ASIC2: variants seen among roughly 807,000 people sequenced by gnomAD.
ASIC2 encodes the protein acid-sensing ion channel 2.
ASIC2 carries 25 observed loss-of-function variants against 57.3 expected under a neutral mutation model. The observed-to-expected ratio is 0.44, with a 90% CI of 0.32 to 0.61. The LOEUF (loss-of-function observed/expected upper bound fraction) is 0.61, where lower values mean the gene tolerates loss of function less well. Ranked by LOEUF, ASIC2 falls within the 20% of genes least tolerant of loss-of-function variation. The pLI is 0.06. For synonymous variants in ASIC2, 319 were observed against 307.5 expected, an observed-to-expected ratio of 1.04 and a Z score of -0.39; for missense variants, 641 against 738.1, an observed-to-expected ratio of 0.87 and a Z score of 1.52.
intron 1 of ASIC2, among the ~76,000 whole-genome samples, chr17:33,373,558 G>A (rs1165924154): frequency 1.3e-5 from 2 of 152,206 alleles, no homozygotes; most frequent in South Asian, 2.1e-4. Context: ...TCTGCTAGAC[G>A]TAGATGCAGT....
intron 1 of ASIC2, among the ~76,000 whole-genome samples, chr17:33,337,258 T>G (rs1156412819): frequency 1.3e-5 from 2 of 152,176 alleles, no homozygotes; most frequent in Non-Finnish European, 2.9e-5. Flanking sequence ...GCTCCACCAA[T>G]TAATAGATTA....
intron 1 of ASIC2, among the ~76,000 whole-genome samples, chr17:34,050,748 A>C (rs1214813894): frequency 6.6e-6 from 1 of 152,208 alleles, no homozygotes; most frequent in African/African-American, 2.4e-5. Flanking sequence ...ACAATCACAC[A>C]ACCACTTTAA....
chr17:34,096,160 AACAAACAC>A (rs1244113871), intron 1 of ASIC2, among the ~76,000 whole-genome samples: 1 of 152,174 alleles, frequency 6.6e-6, no homozygotes, highest in Non-Finnish European at 1.5e-5. Context: ...CTCCAGCCCT[AACAAACAC>A]ACAGAAGGGT....
intron 1 of ASIC2, among the ~76,000 whole-genome samples, chr17:33,248,602 T>C (rs1437263663): frequency 2.0e-5 from 3 of 152,194 alleles, no homozygotes; most frequent in African/African-American, 7.2e-5. Flanking sequence ...GCTGGAACCA[T>C]TGTGTCAGCA....
intron 1 of ASIC2, among the ~76,000 whole-genome samples, chr17:33,113,556 G>A (rs993444414): frequency 3.9e-5 from 6 of 152,220 alleles, no homozygotes; most frequent in Non-Finnish European, 7.3e-5. Flanking sequence ...GCCACAGGGA[G>A]GCTCTTTGGC....
At chr17:33,729,010 G>T (rs1211093749) in intron 1 of ASIC2, among the ~76,000 whole-genome samples, 1 of 152,152 alleles carries the variant, frequency 6.6e-6, no homozygotes, top group African/African-American at 2.4e-5. Flanking sequence ...AAGTTCATTG[G>T]TCTCAATCCA....
chr17:33,716,320 G>A (rs1909216584), intron 1 of ASIC2, among the ~76,000 whole-genome samples: 1 of 152,100 alleles, frequency 6.6e-6, no homozygotes, highest in Non-Finnish European at 1.5e-5. Flanking sequence ...ATCTTCAGTG[G>A]CTTATGATGT....
At chr17:33,674,336 A>G (rs946287421) in intron 1 of ASIC2, among the ~76,000 whole-genome samples, 2 of 152,240 alleles carry the variant, frequency 1.3e-5, no homozygotes, top group South Asian at 2.1e-4. Context: ...CAGAAAACAT[A>G]TCTGAGTTAC....
At chr17:33,785,201 T>A (rs1911567096) in intron 1 of ASIC2, among the ~76,000 whole-genome samples, 1 of 150,890 alleles carries the variant, frequency 6.6e-6, no homozygotes, top group Non-Finnish European at 1.5e-5. Context: ...GGAAGGAAAA[T>A]GATGTGAAGA....
At chr17:33,360,527 A>T (rs573556668) in intron 1 of ASIC2, among the ~76,000 whole-genome samples, 139 of 152,342 alleles carry the variant, frequency 9.1e-4, no homozygotes, top group Non-Finnish European at 1.8e-3. Flanking sequence ...CTGCCTCTGG[A>T]TAAAAGATCC....
rs571497676 is a variant in ASIC2 at position 33,522,801 on chromosome 17, G to A, written c.556-410734C>T. On this transcript the variant is annotated intron_variant, in intron 1 of 9. Transcript: ENST00000359872. ...CCCACAAGAACAGACACACGAGAGC[G>A]CCACCTCCAGTGCAGACACAGACAC... is the stretch of plus-strand genomic sequence containing the variant. Among the ~76,000 whole-genome samples the A allele has an allele frequency of 9.9e-5, 15 of 152,272 alleles. No individual in the cohort carries two copies. In the Middle Eastern group the frequency reaches 0.014, roughly 138 times the overall value.
chr17:33,162,114 T>G (rs1248388271), intron 1 of ASIC2, among the ~76,000 whole-genome samples: 1 of 152,070 alleles, frequency 6.6e-6, no homozygotes, highest in Admixed American at 6.6e-5. Context: ...AGTCATCTCT[T>G]CCAAGGAAAG....
At chr17:33,732,165 A>G (rs757156545) in intron 1 of ASIC2, among the ~76,000 whole-genome samples, 7 of 152,240 alleles carry the variant, frequency 4.6e-5, no homozygotes, top group Non-Finnish European at 1.0e-4. Flanking sequence ...GCAGGTGCAT[A>G]GGGTTATTCA....
At chr17:34,070,682 C>T (rs1909365898) in intron 1 of ASIC2, 1 of 152,364 alleles carries the variant, frequency 6.6e-6, no homozygotes, top group South Asian at 2.1e-4. Flanking sequence ...CTCCCACCCC[C>T]ACCACATGGG....
chr17:33,166,211 G>A (rs1905301841), intron 1 of ASIC2, among the ~76,000 whole-genome samples: 1 of 152,212 alleles, frequency 6.6e-6, no homozygotes, highest in African/African-American at 2.4e-5. Context: ...GAATGGAGAT[G>A]AGAATTCCTT....
At chr17:33,045,128 G>T (rs1229997136) in intron 3 of ASIC2, among the ~76,000 whole-genome samples, 1 of 152,122 alleles carries the variant, frequency 6.6e-6, no homozygotes, top group East Asian at 1.9e-4. Context: ...CCAGCTGAGG[G>T]CCTGAACAGT....
rs769380538 is a variant in ASIC2, at chr17:33,023,948, T to A, written c.1262A>T (p.Asn421Ile). Residue 421 changes from asparagine to isoleucine, a missense_variant, in exon 6 of 10, where the codon AAC becomes ATC. Physicochemically the swap from Asn to Ile is moderately radical, Grantham distance 149. This residue lies in a region of ASIC2 where 252 missense variants were observed against 319.8 expected (regional missense o/e 0.79). Coordinates refer to ENST00000225823, the MANE Select transcript of ASIC2 (RefSeq NM_183377.2). ...GATCTTCACCATGGAGAGCTCTTTG[T>A]TGTAGCGGGTTAGGTTGCAGGGTGT... is the stretch of plus-strand genomic sequence containing the variant. Reference protein sequence around the residue: ...CRTPCNLTRYNKELSMVKIPS... With the variant: ...CRTPCNLTRYIKELSMVKIPS... 1 of 1,614,126 alleles carries A rather than the reference T, an allele frequency of 6.2e-7. No homozygotes were observed. Among genetic ancestry groups the A allele is most frequent in the African/African-American group, 1.3e-5 (1 of 74,944 alleles).
intron 3 of ASIC2, among the ~76,000 whole-genome samples, chr17:33,083,334 T>C (rs555711584): frequency 6.6e-6 from 1 of 152,254 alleles, no homozygotes; most frequent in East Asian, 1.9e-4. Flanking sequence ...GTGATCCACA[T>C]GAAGTAAGCC....
At chr17:33,164,493 C>G (rs757463589) in intron 1 of ASIC2, among the ~76,000 whole-genome samples, 1 of 151,992 alleles carries the variant, frequency 6.6e-6, no homozygotes, top group Non-Finnish European at 1.5e-5. Context: ...TGGCTCAAAC[C>G]TCAGGCAGGA....
Sources: gnomAD v4.1 joint callset for allele counts (sites outside exome capture counted in the v4.1 genomes callset) on GRCh38, gnomAD v4.1.1 for gene constraint, gnomAD v4.1.1 regional missense constraint, MANE v1.5 for transcripts, NCBI Gene and HGNC (gene_info 2026-07-23, HGNC 2026-07-21) for gene names.